Variants in RGS6 observed in about 807,000 individuals in gnomAD.
RGS6 encodes regulator of G-protein signaling 6.
RGS6 carries 30 observed loss-of-function variants against 78.5 expected under a neutral mutation model. The observed-to-expected ratio is 0.38, with a 90% CI of 0.29 to 0.52. The LOEUF (loss-of-function observed/expected upper bound fraction) is 0.52. RGS6 is among the 20% of genes least tolerant of loss of function. The probability of loss-of-function intolerance (pLI) is 0.85; values close to 1 mark genes in which losing one functional copy is unlikely to be tolerated. For missense variants in RGS6, 495 were observed against 609.7 expected, an observed-to-expected ratio of 0.81 and a Z score of 1.98; for synonymous variants, 206 against 206.0, an observed-to-expected ratio of 1.00 and a Z score of 0.00.
At chr14:71,948,995 A>G (rs1383861459) in intron 1 of RGS6, among the ~76,000 whole-genome samples, 3 of 152,074 alleles carry the variant, frequency 2.0e-5, no homozygotes, top group Admixed American at 6.6e-5. Flanking sequence ...CTATGTTGCA[A>G]TGTGTAGCAG....
At chr14:71,925,326 GC>G in the RGS6 span, among the ~76,000 whole-genome samples, 1 of 152,120 alleles carries the variant, frequency 6.6e-6, no homozygotes, top group South Asian at 2.1e-4. Flanking sequence ...TAGACATAAG[GC>G]TTGCAGGTAT....
the RGS6 span, among the ~76,000 whole-genome samples, chr14:72,606,136 T>C: frequency 2.0e-5 from 3 of 151,982 alleles, no homozygotes; most frequent in African/African-American, 7.3e-5. Flanking sequence ...TCTGGCCTCA[T>C]CGTGTCTGGT....
chr14:72,527,949 T>G (rs2097138345), intron 15 of RGS6, among the ~76,000 whole-genome samples: 1 of 152,098 alleles, frequency 6.6e-6, no homozygotes, highest in African/African-American at 2.4e-5. Context: ...CAAGAAGAGC[T>G]CTTGGCCGCT....
intron 2 of RGS6, among the ~76,000 whole-genome samples, chr14:72,281,245 T>C (rs1197011474): frequency 6.7e-6 from 1 of 149,738 alleles, no homozygotes; most frequent in Non-Finnish European, 1.5e-5. Flanking sequence ...GCCTCCCAGG[T>C]TCCAGTGATT....
rs527379247 is a variant in RGS6 at position 72,137,015 on chromosome 14, T to G, written c.84+172140T>G. Among the ~76,000 whole-genome samples the G allele has an allele frequency of 2.6e-5, 4 of 152,264 alleles. No individual in the cohort carries two copies. The South Asian group carries it at 8.3e-4, about 32-fold the overall frequency. On this transcript the variant is annotated intron_variant, in intron 2 of 17. Coordinates refer to ENST00000553525, the MANE Select transcript of RGS6 (RefSeq NM_001204424.2). ...TGTTTTTCATTCCAATCTTCCTCAG[T>G]GCCCCTCTCTATAATCCCAATCCTA...
intron 15 of RGS6, among the ~76,000 whole-genome samples, chr14:72,524,600 C>T (rs1429702888): frequency 6.6e-6 from 1 of 152,204 alleles, no homozygotes; most frequent in Non-Finnish European, 1.5e-5. Flanking sequence ...TCCATTCAAT[C>T]ATTTGTCCAT....
the RGS6 span, among the ~76,000 whole-genome samples, chr14:72,599,393 CTTTTTTTTTTTTTTTTT>C: frequency 9.5e-4 from 74 of 78,224 alleles, 2 homozygotes; most frequent in African/African-American, 3.8e-3. Flanking sequence ...CTTTTCTTTC[CTTTTTTTTTTTTTTTTT>C]TTTTTTTTTT....
chr14:72,096,776 T>C (rs1351501322), intron 2 of RGS6, among the ~76,000 whole-genome samples: 1 of 152,200 alleles, frequency 6.6e-6, no homozygotes, highest in Non-Finnish European at 1.5e-5. Flanking sequence ...TTGCAAGTCA[T>C]GAAGCATCCA....
intron 2 of RGS6, among the ~76,000 whole-genome samples, chr14:72,086,604 T>C (rs2095050583): frequency 6.6e-6 from 1 of 152,188 alleles, no homozygotes; most frequent in African/African-American, 2.4e-5. Context: ...TTGTAACTGA[T>C]TTGAGCCATG....
intron 2 of RGS6, among the ~76,000 whole-genome samples, chr14:72,111,513 G>A (rs182801608): frequency 6.6e-6 from 1 of 152,290 alleles, no homozygotes; most frequent in Non-Finnish European, 1.5e-5. Context: ...ACAAGGATGA[G>A]TCATATGCCC....
the RGS6 span, among the ~76,000 whole-genome samples, chr14:71,892,168 C>A: frequency 6.6e-6 from 1 of 152,256 alleles, no homozygotes; most frequent in African/African-American, 2.4e-5. Flanking sequence ...AATTCCTTCA[C>A]AACAAAACAC....
intron 16 of RGS6, among the ~76,000 whole-genome samples, chr14:72,538,861 G>A (rs2097284062): frequency 6.6e-6 from 1 of 152,222 alleles, no homozygotes; most frequent in African/African-American, 2.4e-5. Flanking sequence ...TGCCAAGGAA[G>A]CCCCCCAACT....
Position 72,049,443 on chromosome 14 carries a change from T to C in RGS6, c.84+84568T>C, listed in dbSNP as rs574971662. On this transcript the variant is annotated intron_variant, in intron 2 of 17. Coordinates refer to ENST00000553525, the MANE Select transcript of RGS6 (RefSeq NM_001204424.2). ...AAGGTCTTGGGAAAGCTTAGCAAAA[T>C]GGTGCAAGTCTCTCGTGATATCTAC... Among the ~76,000 whole-genome samples, 22 of 152,244 alleles carry C rather than the reference T, an allele frequency of 1.4e-4. No individual in the cohort carries two copies. In the South Asian group the frequency reaches 4.4e-3, roughly 30 times the overall value.
intron 2 of RGS6, among the ~76,000 whole-genome samples, chr14:72,255,317 T>A (rs1352625085): frequency 6.6e-6 from 1 of 152,094 alleles, no homozygotes; most frequent in Non-Finnish European, 1.5e-5. Context: ...GGTGGGAGTT[T>A]AAACTACTTG....
the RGS6 span, among the ~76,000 whole-genome samples, chr14:71,895,745 G>T: frequency 4.6e-5 from 7 of 152,136 alleles, no homozygotes; most frequent in African/African-American, 1.7e-4. Context: ...AGCAACAGTG[G>T]GAGCCATTAG....
the RGS6 span, among the ~76,000 whole-genome samples, chr14:72,575,382 C>T: frequency 6.6e-6 from 1 of 152,016 alleles, no homozygotes; most frequent in African/African-American, 2.4e-5. Context: ...GACAGGTGCC[C>T]TTGTCCTGAG....
chr14:71,951,535 C>T (rs774043907), intron 1 of RGS6, among the ~76,000 whole-genome samples: 19 of 152,050 alleles, frequency 1.2e-4, no homozygotes, highest in Non-Finnish European at 1.0e-4. Flanking sequence ...CAAACCTGCA[C>T]GTCCTGCACA....
At chr14:71,981,395 A>G (rs1226004036) in intron 2 of RGS6, among the ~76,000 whole-genome samples, 1 of 152,016 alleles carries the variant, frequency 6.6e-6, no homozygotes. Flanking sequence ...TTGTGGTTTT[A>G]TCTGCTTTTG....
intron 2 of RGS6, among the ~76,000 whole-genome samples, chr14:72,332,599 C>T (rs2075286590): frequency 6.6e-6 from 1 of 152,158 alleles, no homozygotes; most frequent in Admixed American, 6.5e-5. Flanking sequence ...GATCTTGGGT[C>T]CCTGTACCCT....
Sources: gnomAD v4.1 joint callset for allele counts (sites outside exome capture counted in the v4.1 genomes callset) on GRCh38, gnomAD v4.1.1 for gene constraint, MANE v1.5 for transcripts, NCBI Gene and HGNC (gene_info 2026-07-23, HGNC 2026-07-21) for gene names.